The following SDHAF3 variants were observed in gnomAD, a reference collection of about 807,000 sequenced individuals.
SDHAF3 encodes succinate dehydrogenase complex assembly factor 3.
A neutral mutation model predicts 11.5 loss-of-function variants in SDHAF3; 18 were observed. The observed-to-expected ratio is 1.56, with a 90% CI of 1.08 to 2.32. The LOEUF (loss-of-function observed/expected upper bound fraction) is 2.32. Ranked by LOEUF, SDHAF3 falls within the 30% of genes most tolerant of loss-of-function variation. The probability of loss-of-function intolerance (pLI) is 0.00; values close to 1 mark genes in which losing one functional copy is unlikely to be tolerated. For synonymous variants in SDHAF3, 72 were observed against 59.3 expected (o/e 1.21, Z -0.99); for missense variants, 200 against 154.4 (o/e 1.30, Z -1.57).
chr7:97,156,772 T>TA (rs944834076), intron 1 of SDHAF3, among the ~76,000 whole-genome samples: 2 of 147,448 alleles, frequency 1.4e-5, no homozygotes, highest in Admixed American at 6.7e-5. Context: ...TAAATATTAA[T>TA]AAAAAAAATT....
chr7:97,159,190 G>A (rs1789357919), intron 1 of SDHAF3, among the ~76,000 whole-genome samples: 1 of 152,202 alleles, frequency 6.6e-6, no homozygotes, highest in Non-Finnish European at 1.5e-5. Context: ...TGATAAAAAT[G>A]TATGTCTTGT....
At chr7:97,134,025 G>A (rs1041947692) in intron 1 of SDHAF3, among the ~76,000 whole-genome samples, 1 of 152,172 alleles carries the variant, frequency 6.6e-6, no homozygotes, top group African/African-American at 2.4e-5. Context: ...TGACGAAGAG[G>A]TCTATAGTTT....
At chr7:97,164,854 G>C (rs1490547950) in intron 1 of SDHAF3, among the ~76,000 whole-genome samples, 1 of 151,996 alleles carries the variant, frequency 6.6e-6, no homozygotes, top group African/African-American at 2.4e-5. Flanking sequence ...TCATACTGAA[G>C]CAACATATTA....
At chr7:97,120,491 T>TC (rs527570762) in intron 1 of SDHAF3, among the ~76,000 whole-genome samples, 18 of 151,968 alleles carry the variant, frequency 1.2e-4, no homozygotes, top group East Asian at 5.8e-4. Context: ...CAAGTCTTTT[T>TC]CCCCCCCACC....
At chr7:97,169,844 TG>T (rs1789577915) in intron 1 of SDHAF3, among the ~76,000 whole-genome samples, 1 of 152,174 alleles carries the variant, frequency 6.6e-6, no homozygotes, top group Admixed American at 6.5e-5. Flanking sequence ...TAGTTGTTTT[TG>T]ATGACTAATA....
chr7:97,179,726 T>C (rs193045475), intron 1 of SDHAF3, among the ~76,000 whole-genome samples: 1,380 of 103,140 alleles, frequency 0.013, 8 homozygotes, highest in Middle Eastern at 0.022. Flanking sequence ...CTACCCCCCC[T>C]ACACACACAA....
intron 1 of SDHAF3, among the ~76,000 whole-genome samples, chr7:97,145,952 T>C (rs1466372682): frequency 6.6e-6 from 1 of 152,128 alleles, no homozygotes; most frequent in Non-Finnish European, 1.5e-5. Flanking sequence ...AGTAAATTTT[T>C]GTAGTTCTTA....
Position 97,181,126 on chromosome 7 carries a change from C to T in SDHAF3, c.289C>T (p.Gln97Ter), listed in dbSNP as rs1347066799. Residue 97 changes from glutamine to a stop codon, truncating the protein, a stop_gained, in exon 2 of 2, where the codon CAA becomes TAA. Coordinates refer to ENST00000432641, the MANE Select transcript of SDHAF3 (RefSeq NM_020186.3). LOFTEE classifies it high-confidence loss of function. The stretch of plus-strand genomic sequence containing the variant: ...AAAACTTAATGACTTTCGTGATGAA[C>T]AAATTGGACAGTTGCAGGAGCTGAT... ...EEKLNDFRDEQIGQLQELMQE... is the reference protein window; with the variant it reads ...EEKLNDFRDE 1 of 1,613,930 alleles carries T rather than the reference C, an allele frequency of 6.2e-7. No individual in the cohort carries two copies. The highest frequency in any genetic ancestry group is 1.3e-5 in the African/African-American group (1 of 75,002).
intron 1 of SDHAF3, among the ~76,000 whole-genome samples, chr7:97,169,458 TC>T (rs1374222197): frequency 6.6e-6 from 1 of 152,190 alleles, no homozygotes; most frequent in Non-Finnish European, 1.5e-5. Context: ...TATAATAGAT[TC>T]CTTTGGAGAG....
chr7:97,169,443 G>A (rs1169095697), intron 1 of SDHAF3, among the ~76,000 whole-genome samples: 1 of 152,110 alleles, frequency 6.6e-6, no homozygotes, highest in Non-Finnish European at 1.5e-5. Context: ...TAACTCACTT[G>A]ATGTTATAAT....
At chr7:97,164,666 TGC>T (rs1474373737) in intron 1 of SDHAF3, among the ~76,000 whole-genome samples, 1 of 152,104 alleles carries the variant, frequency 6.6e-6, no homozygotes, top group Non-Finnish European at 1.5e-5. Flanking sequence ...TGAGCCAGCG[TGC>T]CTTTCCGGTT....
intron 1 of SDHAF3, among the ~76,000 whole-genome samples, chr7:97,120,586 T>C (rs1332589627): frequency 6.6e-6 from 1 of 152,076 alleles, no homozygotes; most frequent in East Asian, 1.9e-4. Context: ...TATTTTTCAG[T>C]TAGTGCTCAT....
chr7:97,128,022 T>C (rs1053654301), intron 1 of SDHAF3, among the ~76,000 whole-genome samples: 1 of 148,248 alleles, frequency 6.7e-6, no homozygotes, highest in Non-Finnish European at 1.5e-5. Context: ...TGCCTCAGCC[T>C]CCCAAGTAGC....
At chr7:97,145,945 A>G (rs1789127367) in intron 1 of SDHAF3, among the ~76,000 whole-genome samples, 1 of 152,122 alleles carries the variant, frequency 6.6e-6, no homozygotes, top group South Asian at 2.1e-4. Flanking sequence ...GTTTTTGAGT[A>G]AATTTTTGTA....
chr7:97,167,491 G>T (rs1789527664), intron 1 of SDHAF3, among the ~76,000 whole-genome samples: 1 of 152,112 alleles, frequency 6.6e-6, no homozygotes, highest in Admixed American at 6.5e-5. Context: ...ACTACTCAAT[G>T]TGTTCACCAG....
chr7:97,128,783 T>C (rs1791618661), intron 1 of SDHAF3, among the ~76,000 whole-genome samples: 1 of 152,222 alleles, frequency 6.6e-6, no homozygotes. Context: ...ATAAGAACAC[T>C]GTATACAACT....
chr7:97,163,418 G>A (rs1429980479), intron 1 of SDHAF3, among the ~76,000 whole-genome samples: 3 of 152,146 alleles, frequency 2.0e-5, no homozygotes, highest in African/African-American at 4.8e-5. Context: ...AGGATAAGAG[G>A]CGTGAGCCAC....
chr7:97,145,269 T>G (rs961172692), intron 1 of SDHAF3, among the ~76,000 whole-genome samples: 11 of 152,186 alleles, frequency 7.2e-5, no homozygotes, highest in Non-Finnish European at 1.5e-4. Context: ...AAGATACTTA[T>G]GTCTGGGAAG....
intron 1 of SDHAF3, chr7:97,135,611 G>A (rs1396772973): frequency 6.7e-6 from 1 of 148,458 alleles, no homozygotes; most frequent in Non-Finnish European, 1.5e-5. Context: ...GTCTGTGTGT[G>A]TGTGTGTGTG....
Sources: gnomAD v4.1 joint callset for allele counts (sites outside exome capture counted in the v4.1 genomes callset) on GRCh38, gnomAD v4.1.1 for gene constraint, MANE v1.5 for transcripts, NCBI Gene and HGNC (gene_info 2026-07-23, HGNC 2026-07-21) for gene names.